Variants in NALF1 observed in about 807,000 individuals in gnomAD.
NALF1 encodes NALCN channel auxiliary factor 1.
A neutral mutation model predicts 48.4 loss-of-function variants in NALF1; 3 were observed. The observed-to-expected ratio is 0.06, with a 90% CI of 0.03 to 0.16. The LOEUF is 0.16. Among genes scored for constraint, NALF1 ranks in the 10% least tolerant of loss-of-function variants. The pLI, the probability that NALF1 is intolerant of heterozygous loss-of-function variation, is 1.00. For missense variants in NALF1, 526 were observed against 571.5 expected, an observed-to-expected ratio of 0.92 and a Z score of 0.81; for synonymous variants, 262 against 245.7, an observed-to-expected ratio of 1.07 and a Z score of -0.62.
At chr13:107,704,292 T>C (rs758775484) in intron 1 of NALF1, among the ~76,000 whole-genome samples, 12 of 152,230 alleles carry the variant, frequency 7.9e-5, no homozygotes, top group Non-Finnish European at 1.8e-4. Flanking sequence ...GAATTATTTA[T>C]TTCTTTTATA....
intron 1 of NALF1, among the ~76,000 whole-genome samples, chr13:107,751,671 A>G (rs1876940754): frequency 6.6e-6 from 1 of 152,102 alleles, no homozygotes; most frequent in Admixed American, 6.6e-5. Context: ...ATACTACTGT[A>G]AAATAATGGC....
intron 1 of NALF1, among the ~76,000 whole-genome samples, chr13:107,573,732 T>C (rs1348873324): frequency 6.6e-6 from 1 of 152,138 alleles, no homozygotes. Context: ...TGGTCTTTCC[T>C]ATGCTGTAAT....
intron 1 of NALF1, among the ~76,000 whole-genome samples, chr13:107,491,448 C>A (rs982836175): frequency 6.9e-6 from 1 of 145,504 alleles, no homozygotes; most frequent in Non-Finnish European, 1.5e-5. Context: ...AGTTCGGGCT[C>A]CACTCAGGGA....
At chr13:107,416,395 A>G (rs1884089729) in intron 1 of NALF1, among the ~76,000 whole-genome samples, 1 of 151,652 alleles carries the variant, frequency 6.6e-6, no homozygotes, top group African/African-American at 2.4e-5. Flanking sequence ...TCCCTCCTTC[A>G]GCCTGTACCA....
intron 1 of NALF1, among the ~76,000 whole-genome samples, chr13:107,475,280 G>C (rs921326631): frequency 6.6e-6 from 1 of 152,152 alleles, no homozygotes; most frequent in African/African-American, 2.4e-5. Flanking sequence ...GCCAGGTACT[G>C]AACAAAACAC....
rs373705573 is a variant in NALF1, at chr13:107,186,962, G to A, written c.1088-16176C>T. ...ATACTGATGTCCCCATTTTCTTGTCGGCCATTGGTTGGAAATTCTCAGCTT... is the reference window on the plus strand; with the variant it reads ...ATACTGATGTCCCCATTTTCTTGTCAGCCATTGGTTGGAAATTCTCAGCTT... On this transcript the variant is annotated intron_variant, in intron 2 of 2. Coordinates refer to ENST00000375915, the MANE Select transcript of NALF1 (RefSeq NM_001080396.3). 5.5e-4 allele frequency among the ~76,000 whole-genome samples: 84 copies of A among 152,138 alleles called. 1 individual carries two copies. The highest frequency in any genetic ancestry group is 1.0e-3 in the Non-Finnish European group (71 of 68,002).
chr13:107,679,078 A>T (rs1881208244), intron 1 of NALF1, among the ~76,000 whole-genome samples: 1 of 152,048 alleles, frequency 6.6e-6, no homozygotes, highest in Non-Finnish European at 1.5e-5. Flanking sequence ...CTCACCTTCC[A>T]TTGTTCTGAC....
intron 2 of NALF1, among the ~76,000 whole-genome samples, chr13:107,187,572 T>C (rs900271384): frequency 1.3e-5 from 2 of 152,178 alleles, no homozygotes; most frequent in African/African-American, 4.8e-5. Flanking sequence ...CACACACTCA[T>C]TCAATGTTTG....
rs181908063 is a variant in NALF1 at position 107,765,365 on chromosome 13, T to A, written c.915+100317A>T. ...CCAACAGGGTTTCTAATTTTCTCCT[T>A]AAAATATTTATCCAACAAGAAAACT... is the stretch of plus-strand genomic sequence containing the variant. On this transcript the variant is annotated intron_variant, in intron 1 of 2. Coordinates refer to ENST00000375915, the MANE Select transcript of NALF1 (RefSeq NM_001080396.3). 2.6e-5 allele frequency among the ~76,000 whole-genome samples: 4 copies of A among 152,280 alleles called. No homozygotes were observed. In the East Asian group the frequency reaches 7.7e-4, roughly 29 times the overall value.
intron 1 of NALF1, among the ~76,000 whole-genome samples, chr13:107,254,407 C>A (rs1440145094): frequency 6.6e-6 from 1 of 152,192 alleles, no homozygotes; most frequent in East Asian, 1.9e-4. Flanking sequence ...ATGGCACGAT[C>A]TGCAGGGCTG....
chr13:107,714,636 A>AAAAAAAAAG (rs1174305261), intron 1 of NALF1, among the ~76,000 whole-genome samples: 53 of 151,404 alleles, frequency 3.5e-4, no homozygotes, highest in African/African-American at 1.0e-3. Flanking sequence ...TAAAAAAAAA[A>AAAAAAAAAG]AAAGAAAGAT....
intron 1 of NALF1, among the ~76,000 whole-genome samples, chr13:107,669,349 C>T (rs141414239): frequency 1.1e-3 from 171 of 152,206 alleles, no homozygotes; most frequent in South Asian, 2.7e-3. Flanking sequence ...TTGCAGCACA[C>T]GCTTGAAAAC....
chr13:107,605,376 A>G (rs1182676263), intron 1 of NALF1, among the ~76,000 whole-genome samples: 3 of 152,200 alleles, frequency 2.0e-5, no homozygotes, highest in Non-Finnish European at 4.4e-5. Context: ...AACTGTTCCT[A>G]AAAGAAGTGG....
chr13:107,205,426 G>GTTT (rs1555326513), intron 2 of NALF1, among the ~76,000 whole-genome samples: 6 of 152,052 alleles, frequency 3.9e-5, no homozygotes, highest in African/African-American at 1.4e-4. Context: ...CTCCCCTCAG[G>GTTT]TTATTCCCTT....
chr13:107,226,914 C>A (rs1207010767), intron 1 of NALF1, among the ~76,000 whole-genome samples: 4 of 152,218 alleles, frequency 2.6e-5, no homozygotes, highest in African/African-American at 9.6e-5. Flanking sequence ...AACTGATGCG[C>A]CCAGACATTG....
intron 1 of NALF1, among the ~76,000 whole-genome samples, chr13:107,820,284 C>A (rs1026671679): frequency 6.6e-6 from 1 of 152,120 alleles, no homozygotes; most frequent in African/African-American, 2.4e-5. Flanking sequence ...GCAAGAATTT[C>A]CTGTTCTTCC....
chr13:107,653,194 T>C (rs1390309286), intron 1 of NALF1, among the ~76,000 whole-genome samples: 2 of 152,000 alleles, frequency 1.3e-5, no homozygotes, highest in Admixed American at 6.6e-5. Context: ...TTTTACCACA[T>C]TAAATTAGAT....
chr13:107,301,979 C>G (rs1594111016), intron 1 of NALF1, among the ~76,000 whole-genome samples: 1 of 152,148 alleles, frequency 6.6e-6, no homozygotes, highest in South Asian at 2.1e-4. Flanking sequence ...GAAACTCATT[C>G]CCTAATGAGG....
intron 1 of NALF1, among the ~76,000 whole-genome samples, chr13:107,270,747 T>C (rs932549931): frequency 6.6e-6 from 1 of 151,978 alleles, no homozygotes; most frequent in Non-Finnish European, 1.5e-5. Context: ...ATGTGCCATG[T>C]TGGTGTGCTG....
Sources: gnomAD v4.1 joint callset for allele counts (sites outside exome capture counted in the v4.1 genomes callset) on GRCh38, gnomAD v4.1.1 for gene constraint, MANE v1.5 for transcripts, NCBI Gene and HGNC (gene_info 2026-07-23, HGNC 2026-07-21) for gene names.